PKHD1L1: variants seen among roughly 807,000 people sequenced by gnomAD.
PKHD1L1 encodes the protein PKHD1 like 1.
In PKHD1L1, 434 loss-of-function variants were observed where a neutral mutation model predicts 462.9. The ratio of observed to expected loss-of-function variants is 0.94; its 90% confidence interval spans 0.87 to 1.02. The LOEUF (loss-of-function observed/expected upper bound fraction) is 1.02, where lower values mean the gene tolerates loss of function less well. Ranked by LOEUF, PKHD1L1 falls within the 50% of genes least tolerant of loss-of-function variation. The pLI is 0.00. For synonymous variants in PKHD1L1, 1,781 were observed against 1,750.0 expected (o/e 1.02, Z -0.44); for missense variants, 5,202 against 5,096.1 (o/e 1.02, Z -0.63).
At chr8:109,394,317 C>T (rs907658184) in intron 9 of PKHD1L1, 98 bp from the exon 10 acceptor site, 7 of 707,688 alleles carry the variant, frequency 9.9e-6, no homozygotes, top group African/African-American at 3.6e-5. Context: ...CCATCGTGCT[C>T]TTTTGCAGAT....
intron 9 of PKHD1L1, among the ~76,000 whole-genome samples, chr8:109,391,297 C>T (rs1812700414): frequency 6.6e-6 from 1 of 152,172 alleles, no homozygotes; most frequent in African/African-American, 2.4e-5. Flanking sequence ...CATTAGTGTG[C>T]AAACCCATGC....
chr8:109,445,634 T>G lies in PKHD1L1; in HGVS notation c.5765T>G (p.Ile1922Ser). 6.2e-7 allele frequency: 1 copy of G among 1,605,716 alleles called. No individual in the cohort carries two copies. The highest frequency in any genetic ancestry group is 8.5e-7 in the Non-Finnish European group (1 of 1,174,088). ...LEDTPFLRGIIPSRGPPGTEI... is the reference protein window; with the variant it reads ...LEDTPFLRGISPSRGPPGTEI... ...GATACTCCATTTCTCAGAGGAATTA[T>G]CCCAAGCAGAGGTACTCCAATATCT... Residue 1922 changes from isoleucine (I) to serine (S), a missense_variant, in exon 38 of 78, where the codon ATC (isoleucine) becomes AGC (serine). By Grantham distance (142) the Ile-to-Ser change is moderately radical. Transcript: ENST00000378402.
intron 43 of PKHD1L1, 133 bp downstream of exon 43, chr8:109,453,007 T>C: frequency 1.4e-6 from 1 of 706,764 alleles, no homozygotes; most frequent in Non-Finnish European, 2.0e-6. Context: ...TCCTGGGCTT[T>C]CTAAATTGAG....
rs1387809156 is a variant in PKHD1L1, at chr8:109,535,158, CTGAG to C, written c.*5070_*5073del. On this transcript the variant is annotated 3_prime_UTR_variant, in exon 78 of 78. Transcript: ENST00000378402. ...TATAAAATTCACACCCAGTTATAGA[CTGAG>C]TAATTATAGTTGCTATGGTAATGGG... Among the ~76,000 whole-genome samples the C allele has an allele frequency of 6.6e-6, 1 of 151,756 alleles. No homozygotes were observed. Among genetic ancestry groups the C allele is most frequent in the African/African-American group, 2.4e-5 (1 of 41,292 alleles).
intron 23 of PKHD1L1, among the ~76,000 whole-genome samples, chr8:109,424,431 T>C (rs1002436691): frequency 1.3e-5 from 2 of 152,212 alleles, no homozygotes; most frequent in Non-Finnish European, 2.9e-5. Flanking sequence ...TTAGCACTAA[T>C]GTTTATTCAT....
In PKHD1L1 at chr8:109,512,870, C is replaced by A. The variant is rs566520506; in HGVS notation, c.11553+1936C>A. ...ATTTGTTTGTATCCTCTTTTATTTC[C>A]TTGAGCAGTGGTTTGTAGTTCTCCT... On this transcript the variant is annotated intron_variant, in intron 71 of 77. Transcript: ENST00000378402. 8.6e-3 allele frequency among the ~76,000 whole-genome samples: 1,293 copies of A among 150,660 alleles called. 8 individuals are homozygous for A. The highest frequency in any genetic ancestry group is 0.041 in the Middle Eastern group (12 of 292).
In PKHD1L1 at chr8:109,452,850, AT is replaced by A; in HGVS notation, c.6644del (p.Leu2215Ter). 1 of 1,489,748 alleles carries A rather than the reference AT, an allele frequency of 6.7e-7. No homozygotes were observed. The highest frequency in any genetic ancestry group is 8.9e-7 in the Non-Finnish European group (1 of 1,119,856). The allele number at this position is 1,489,748 out of a possible 1,614,324, so 92.3% of individuals were successfully genotyped here. A position where few individuals can be genotyped will look rare whatever the true frequency, so the allele number is the denominator to read the frequency against. On this transcript the variant is annotated frameshift_variant, in exon 43 of 78. Transcript: ENST00000378402. LOFTEE classifies it high-confidence loss of function. Reference sequence around the variant, plus strand: ...CATTCTGCTGGATCAAAGCACCCCTATTTTGAAAATGTTGCTTATTCAGGGT... The same window carrying A: ...CATTCTGCTGGATCAAAGCACCCCTATTTGAAAATGTTGCTTATTCAGGGT... ...QTILLDQSTP[I>X]LKMLLIQGGT...
At chr8:109,430,438 G>T (rs887240772) in intron 27 of PKHD1L1, among the ~76,000 whole-genome samples, 16 of 152,074 alleles carry the variant, frequency 1.1e-4, no homozygotes, top group African/African-American at 3.9e-4. Flanking sequence ...GTATTAAAAG[G>T]CTAGTAACAA....
intron 32 of PKHD1L1, among the ~76,000 whole-genome samples, 186 bp from the exon 33 acceptor site, chr8:109,440,524 A>G (rs1815717661): frequency 6.6e-6 from 1 of 152,118 alleles, no homozygotes; most frequent in African/African-American, 2.4e-5. Flanking sequence ...AGTTAGGGAA[A>G]ATATTGAATA....
intron 62 of PKHD1L1, 89 bp from the exon 63 acceptor site, chr8:109,493,572 T>G (rs1425947654): frequency 4.4e-6 from 3 of 676,186 alleles, no homozygotes; most frequent in Non-Finnish European, 6.7e-6. Context: ...TTAAAGGTTT[T>G]CATAAGTGTA....
In PKHD1L1 at chr8:109,487,890, G is replaced by GAGAAAGGAAGGA. The variant is rs1818620894; in HGVS notation, c.9880+1071_9880+1072insAAAGGAAGGAAG. The stretch of plus-strand genomic sequence containing the variant: ...AGACAGAGAGAAAGAGAGAGAGAGA[G>GAGAAAGGAAGGA]AGGAAGGAAGGAAGGAAGGAAGGAA... On this transcript the variant is annotated intron_variant, in intron 59 of 77. Coordinates refer to ENST00000378402, the MANE Select transcript of PKHD1L1 (RefSeq NM_177531.6). Among the ~76,000 whole-genome samples, 3 of 69,296 alleles carry GAGAAAGGAAGGA rather than the reference G, an allele frequency of 4.3e-5. 1 individual carries two copies. The highest frequency in any genetic ancestry group is 8.6e-5 in the Non-Finnish European group (3 of 34,886). 45.5% of individuals were successfully genotyped at this position (69,296 alleles called of 152,430 possible). A position where few individuals can be genotyped will look rare whatever the true frequency, so the allele number is the denominator to read the frequency against.
chr8:109,462,935 G>A lies in PKHD1L1; in HGVS notation c.7383+1027G>A, dbSNP rs1476820223. 4.6e-5 allele frequency among the ~76,000 whole-genome samples: 7 copies of A among 152,140 alleles called. No individual in the cohort carries two copies. In the East Asian group the frequency reaches 1.4e-3, roughly 29 times the overall value. ...GTCAGATCTTTTGACAAGGGTTATCGCTCCAGAGAGGACTTTTCTCACCAC... is the reference window on the plus strand; with the variant it reads ...GTCAGATCTTTTGACAAGGGTTATCACTCCAGAGAGGACTTTTCTCACCAC... On this transcript the variant is annotated intron_variant, in intron 48 of 77. Coordinates refer to ENST00000378402, the MANE Select transcript of PKHD1L1 (RefSeq NM_177531.6).
intron 57 of PKHD1L1, among the ~76,000 whole-genome samples, chr8:109,483,511 T>A (rs1818373920): frequency 7.0e-6 from 1 of 142,344 alleles, no homozygotes; most frequent in Non-Finnish European, 1.5e-5. Context: ...TATAAATTAG[T>A]CATATTATTT....
At chr8:109,475,663 C>T (rs1455496369) in intron 51 of PKHD1L1, among the ~76,000 whole-genome samples, 1 of 150,832 alleles carries the variant, frequency 6.6e-6, no homozygotes, top group Non-Finnish European at 1.5e-5. Context: ...ATGGAGAAAC[C>T]TCGTCTCTAT....
In PKHD1L1 at chr8:109,364,560, A is replaced by C. The variant is rs1224942820; in HGVS notation, c.87A>C (p.Ile29=). 11 of 1,596,450 alleles carry C rather than the reference A, an allele frequency of 6.9e-6. No individual in the cohort carries two copies. Among genetic ancestry groups the C allele is most frequent in the Non-Finnish European group, 8.6e-6 (10 of 1,167,268 alleles). The change falls in exon 2 of 78, where the codon ATA becomes ATC. Residue 29 remains isoleucine, a synonymous_variant. Coordinates refer to ENST00000378402, the MANE Select transcript of PKHD1L1 (RefSeq NM_177531.6). ...AATATTTTTCAGATGGCTCTCAAAT[A>C]ATCCCCAAAGTCACAGAAATAATAC... ...AADPSTDGSQ[I]IPKVTEIIPK... is the part of the protein sequence containing the mutation.
Position 109,373,680 on chromosome 8 carries a change from G to A in PKHD1L1, c.164-7690G>A, listed in dbSNP as rs141139300. 4.1e-3 allele frequency among the ~76,000 whole-genome samples: 618 copies of A among 152,282 alleles called. 2 individuals are homozygous for A. The highest frequency in any genetic ancestry group is 5.9e-3 in the Non-Finnish European group (404 of 68,026). On this transcript the variant is annotated intron_variant, in intron 2 of 77. Transcript: ENST00000378402. ...TCCCTCTACACACTGCTTTGAATGT[G>A]TCCCAGAGATTCTGGTATGTTGTGT... is the stretch of plus-strand genomic sequence containing the variant.
chr8:109,381,907 C>G (rs996937640), intron 3 of PKHD1L1, among the ~76,000 whole-genome samples: 1 of 152,104 alleles, frequency 6.6e-6, no homozygotes, highest in Non-Finnish European at 1.5e-5. Flanking sequence ...TGCATAGTGA[C>G]ATTTCAAGTT....
Position 109,419,168 on chromosome 8 carries a change from A to G in PKHD1L1, c.2432A>G (p.Gln811Arg). The stretch of plus-strand genomic sequence containing the variant: ...TACACTGGGACAAATGTTTCTCTTC[A>G]GAGGATTAGCTTACATAAAGCATCA... ...TKYTGTNVSL[Q>R]RISLHKASES... is the part of the protein sequence containing the mutation. The change falls in exon 22 of 78, where the codon CAG (glutamine) becomes CGG (arginine). Residue 811 changes from glutamine (Q) to arginine (R), a missense_variant. By Grantham distance (43) the Gln-to-Arg change is conservative. Around this residue, in one of 3 missense-constraint regions of PKHD1L1, gnomAD observed 4,497 missense variants for 4,336.8 expected, o/e 1.04. Coordinates refer to ENST00000378402, the MANE Select transcript of PKHD1L1 (RefSeq NM_177531.6). 3 of 1,613,620 alleles carry G rather than the reference A, an allele frequency of 1.9e-6. No individual in the cohort carries two copies. Among genetic ancestry groups the G allele is most frequent in the South Asian group, 1.1e-5 (1 of 91,056 alleles).
chr8:109,394,550 C>A, intron 10 of PKHD1L1, 65 bp downstream of exon 10: 1 of 1,088,134 alleles, frequency 9.2e-7, no homozygotes, highest in Non-Finnish European at 1.3e-6. Context: ...TTGATTTAAT[C>A]AAACCAAAGA....
Sources: allele counts gnomAD v4.1 joint callset (sites outside exome capture counted in the v4.1 genomes callset), GRCh38; gene constraint gnomAD v4.1.1; regional missense constraint gnomAD v4.1.1; transcripts MANE v1.5; gene names NCBI Gene and HGNC (gene_info 2026-07-23, HGNC 2026-07-21).